Variants in LPCAT2 observed in about 807,000 individuals in gnomAD.
LPCAT2 encodes the protein 1-AGP acyltransferase 11.
In LPCAT2, 58 loss-of-function variants were observed where a neutral mutation model predicts 64.7. That is an observed-to-expected ratio of 0.90 (90% CI 0.73 to 1.12). The LOEUF (loss-of-function observed/expected upper bound fraction) is 1.12. LPCAT2 is among the 50% of genes most tolerant of loss of function. LPCAT2 has a pLI of 0.00. For synonymous variants in LPCAT2, 252 were observed against 245.3 expected, an observed-to-expected ratio of 1.03 and a Z score of -0.26; for missense variants, 579 against 669.8, an observed-to-expected ratio of 0.86 and a Z score of 1.50.
At chr16:55,553,108 C>T (rs148981373) in intron 11 of LPCAT2, among the ~76,000 whole-genome samples, 1,669 of 152,196 alleles carry the variant, frequency 0.011, 35 homozygotes, top group African/African-American at 0.038. Context: ...CATGGTGGTA[C>T]ATGCCTGTAA....
rs1247814673 is a variant in LPCAT2, at chr16:55,553,225, G to A, written c.1215+2123G>A. Among the ~76,000 whole-genome samples the A allele has an allele frequency of 2.6e-5, 4 of 151,064 alleles. No individual in the cohort carries two copies. The South Asian group carries it at 6.3e-4, about 24-fold the overall frequency. ...TGCACTCCAGCTGGGCAACAAGAGC[G>A]AAACTCCATCTCAAAAAAAAAAAAT... is the stretch of plus-strand genomic sequence containing the variant. On this transcript the variant is annotated intron_variant, in intron 11 of 13. Transcript: ENST00000262134.
At chr16:55,580,444 T>C (rs930668942) in intron 13 of LPCAT2, among the ~76,000 whole-genome samples, 1 of 152,208 alleles carries the variant, frequency 6.6e-6, no homozygotes, top group African/African-American at 2.4e-5. Context: ...GATTTGTAGA[T>C]AGCCATAATA....
chr16:55,542,285 T>C (rs1963407586), intron 8 of LPCAT2, among the ~76,000 whole-genome samples: 1 of 152,124 alleles, frequency 6.6e-6, no homozygotes, highest in Non-Finnish European at 1.5e-5. Flanking sequence ...AGTCTCCTCC[T>C]CATCTGGGAC....
At chr16:55,518,625 A>G (rs1451817209) in intron 1 of LPCAT2, among the ~76,000 whole-genome samples, 1 of 152,254 alleles carries the variant, frequency 6.6e-6, no homozygotes, top group Non-Finnish European at 1.5e-5. Flanking sequence ...AAGTAAATTC[A>G]TACGTCTGTG....
chr16:55,546,117 T>C (rs1040800404), intron 9 of LPCAT2, among the ~76,000 whole-genome samples: 5 of 152,094 alleles, frequency 3.3e-5, no homozygotes, highest in African/African-American at 1.2e-4. Flanking sequence ...GGCCCGCCAC[T>C]GTCAGATGAG....
rs117535050 is a variant in LPCAT2 at position 55,511,110 on chromosome 16, T to C, written c.171+1758T>C. ...ACTATACTTTTCTCGTCTATTACAT[T>C]GGAATATTAATAACTCAAAGGAGGG... is the stretch of plus-strand genomic sequence containing the variant. On this transcript the variant is annotated intron_variant, in intron 1 of 13. Coordinates refer to ENST00000262134, the MANE Select transcript of LPCAT2 (RefSeq NM_017839.5). 2.7e-3 allele frequency among the ~76,000 whole-genome samples: 416 copies of C among 152,296 alleles called. 10 individuals are homozygous for C. In the South Asian group the frequency reaches 0.05, roughly 18 times the overall value.
In LPCAT2 at chr16:55,529,871, G is replaced by C; in HGVS notation, c.566G>C (p.Arg189Pro). Residue 189 changes from arginine to proline, a missense_variant, in exon 4 of 14, where the codon CGT (arginine) becomes CCT (proline). Physicochemically the swap from Arg to Pro is moderately radical, Grantham distance 103 (BLOSUM62 -2). Transcript: ENST00000262134. ...GCTGTGCAACCAGTTTTGGTGTCCCGTGTAGATCCGGATTCCCGAAAAAAC... is the reference window on the plus strand; with the variant it reads ...GCTGTGCAACCAGTTTTGGTGTCCCCTGTAGATCCGGATTCCCGAAAAAAC... Reference protein sequence around the residue: ...LRAVQPVLVSRVDPDSRKNTI... With the variant: ...LRAVQPVLVSPVDPDSRKNTI... The C allele has an allele frequency of 6.2e-7, 1 of 1,612,102 alleles. No individual in the cohort carries two copies.
chr16:55,541,529 C>A (rs193115639), intron 8 of LPCAT2: 163 of 164,802 alleles, frequency 9.9e-4, no homozygotes, highest in African/African-American at 3.7e-3. Context: ...TACACACACA[C>A]ACACACACCC....
At chr16:55,525,721 T>A in intron 2 of LPCAT2, 74 bp downstream of exon 2, 3 of 1,136,266 alleles carry the variant, frequency 2.6e-6, no homozygotes, top group Non-Finnish European at 3.5e-6. Flanking sequence ...ATAAGAAGAG[T>A]TCATCATAGT....
chr16:55,579,252 G>A lies in LPCAT2; in HGVS notation c.1450+8G>A. On this transcript the variant is annotated splice_region_variant and intron_variant, in intron 13 of 13. Transcript: ENST00000262134. The stretch of plus-strand genomic sequence containing the variant: ...GGGACTCAATTTCCTATGGTGAGTA[G>A]GCAATCTGGCCTCCTGACTTAGTTT... 1 of 1,611,024 alleles carries A rather than the reference G, an allele frequency of 6.2e-7. No homozygotes were observed. Among genetic ancestry groups the A allele is most frequent in the Non-Finnish European group, 8.5e-7 (1 of 1,178,566 alleles).
intron 8 of LPCAT2, chr16:55,540,581 G>A (rs1216284033): frequency 4.0e-5 from 6 of 150,492 alleles, no homozygotes; most frequent in African/African-American, 1.5e-4. Context: ...ATGGAAACAA[G>A]CCATTTACAC....
At chr16:55,533,913 A>G (rs1030182088) in intron 6 of LPCAT2, among the ~76,000 whole-genome samples, 12 of 152,290 alleles carry the variant, frequency 7.9e-5, no homozygotes, top group Non-Finnish European at 1.5e-4. Context: ...AGTTATCTCT[A>G]CTATTTAATA....
At chr16:55,509,704 A>T (rs1300494659) in intron 1 of LPCAT2, among the ~76,000 whole-genome samples, 10 of 151,868 alleles carry the variant, frequency 6.6e-5, no homozygotes, top group African/African-American at 2.4e-4. Context: ...AGAGGAGAGG[A>T]CTTCTGAGGG....
At chr16:55,549,428 C>G (rs1261266558) in intron 10 of LPCAT2, 26 bp downstream of exon 10, 2 of 1,570,182 alleles carry the variant, frequency 1.3e-6, no homozygotes, top group African/African-American at 2.8e-5. Flanking sequence ...AATGACTACA[C>G]TTTCATAAAG....
chr16:55,581,258 G>A (rs1010350826), intron 13 of LPCAT2, among the ~76,000 whole-genome samples: 8 of 152,166 alleles, frequency 5.3e-5, no homozygotes, highest in Admixed American at 1.3e-4. Flanking sequence ...ATGTGTCTCC[G>A]TCATTGAAAC....
At chr16:55,574,847 G>T in intron 12 of LPCAT2, 118 bp downstream of exon 12, 1 of 738,094 alleles carries the variant, frequency 1.4e-6, no homozygotes, top group Non-Finnish European at 2.4e-6. Flanking sequence ...GCTGTGACAT[G>T]TACAGGACAA....
At chr16:55,521,077 C>T (rs989755263) in intron 1 of LPCAT2, among the ~76,000 whole-genome samples, 9 of 151,562 alleles carry the variant, frequency 5.9e-5, no homozygotes, top group African/African-American at 1.9e-4. Context: ...TAATAGAATA[C>T]ATTAATGGAA....
At chr16:55,547,122 C>CT (rs1489989000) in intron 9 of LPCAT2, among the ~76,000 whole-genome samples, 5 of 151,816 alleles carry the variant, frequency 3.3e-5, no homozygotes, top group African/African-American at 1.2e-4. Flanking sequence ...GCACTCCAGC[C>CT]TGGGCGACGA....
rs78474902 is a variant in LPCAT2 at position 55,548,810 on chromosome 16, G to A, written c.936-467G>A. Among the ~76,000 whole-genome samples, 8 of 152,174 alleles carry A rather than the reference G, an allele frequency of 5.3e-5. No individual in the cohort carries two copies. The South Asian group carries it at 1.5e-3, about 28-fold the overall frequency. On this transcript the variant is annotated intron_variant, in intron 9 of 13. Transcript: ENST00000262134. Reference sequence around the variant, plus strand: ...ATTACAGGTGTGAGGCACTGTGTTCGGCTCCATTTATCTGTTTAAACAGTA... The same window carrying A: ...ATTACAGGTGTGAGGCACTGTGTTCAGCTCCATTTATCTGTTTAAACAGTA...
Sources: gnomAD v4.1 joint callset for allele counts (sites outside exome capture counted in the v4.1 genomes callset) on GRCh38, gnomAD v4.1.1 for gene constraint, MANE v1.5 for transcripts, NCBI Gene and HGNC (gene_info 2026-07-23, HGNC 2026-07-21) for gene names.